MYO3B: variants seen among roughly 807,000 people sequenced by gnomAD.
MYO3B encodes the protein myosin IIIB.
In MYO3B, 156 loss-of-function variants were observed where a neutral mutation model predicts 174.6. That is an observed-to-expected ratio of 0.89 (90% CI 0.78 to 1.02). The LOEUF is 1.02. MYO3B is among the 50% of genes least tolerant of loss of function. MYO3B has a pLI of 0.00. For synonymous variants in MYO3B, 563 were observed against 569.1 expected, an observed-to-expected ratio of 0.99 and a Z score of 0.15; for missense variants, 1,632 against 1,639.4, an observed-to-expected ratio of 1.00 and a Z score of 0.08.
intron 32 of MYO3B, among the ~76,000 whole-genome samples, chr2:170,630,189 G>A (rs1374117352): frequency 2.0e-5 from 3 of 152,190 alleles, no homozygotes; most frequent in Admixed American, 6.5e-5. Context: ...CAGGAAAATC[G>A]GGACACTCCA....
intron 1 of MYO3B, among the ~76,000 whole-genome samples, chr2:170,180,861 T>C (rs2092390365): frequency 1.3e-5 from 2 of 152,206 alleles, no homozygotes; most frequent in Admixed American, 6.5e-5. Context: ...AATTGTCCTC[T>C]CTATACACTA....
chr2:170,266,602 C>T (rs1464537212), intron 7 of MYO3B, among the ~76,000 whole-genome samples: 1 of 152,194 alleles, frequency 6.6e-6, no homozygotes, highest in Non-Finnish European at 1.5e-5. Flanking sequence ...TACAAGGACT[C>T]TGACACAAAT....
intron 7 of MYO3B, among the ~76,000 whole-genome samples, chr2:170,255,418 A>G (rs2093296281): frequency 6.6e-6 from 1 of 152,146 alleles, no homozygotes; most frequent in Non-Finnish European, 1.5e-5. Flanking sequence ...CATAACTAAG[A>G]GCCTATCTGC....
chr2:170,480,127 A>G lies in MYO3B; in HGVS notation c.3014+13416A>G, dbSNP rs369872540. 1.3e-3 allele frequency among the ~76,000 whole-genome samples: 199 copies of G among 152,082 alleles called. 5 individuals are homozygous for G. In the South Asian group the frequency reaches 0.04, roughly 30 times the overall value. On this transcript the variant is annotated intron_variant, in intron 25 of 34. Coordinates refer to ENST00000408978, the MANE Select transcript of MYO3B (RefSeq NM_138995.5). ...AGGTTTTCAGCATGGTTCCTGGCTC[A>G]TAACTCCCATAACCCTTATTACAGT...
intron 25 of MYO3B, among the ~76,000 whole-genome samples, chr2:170,493,481 T>G (rs545910011): frequency 5.9e-5 from 9 of 152,312 alleles, no homozygotes; most frequent in Non-Finnish European, 1.0e-4. Flanking sequence ...ATAAGTCATC[T>G]TATATCATTA....
chr2:170,333,753 T>C (rs979168660), intron 7 of MYO3B, among the ~76,000 whole-genome samples: 1 of 152,226 alleles, frequency 6.6e-6, no homozygotes, highest in African/African-American at 2.4e-5. Context: ...TTATCTTCTA[T>C]AAAGTCTTTT....
chr2:170,515,043 G>C, intron 29 of MYO3B, 21 bp downstream of exon 29: 2 of 1,604,376 alleles, frequency 1.2e-6, no homozygotes, highest in Non-Finnish European at 1.7e-6. Flanking sequence ...TCGAGATTTA[G>C]AATGAGTGTT....
chr2:170,214,873 C>A, intron 5 of MYO3B, 45 bp downstream of exon 5: 2 of 1,400,870 alleles, frequency 1.4e-6, no homozygotes, highest in Non-Finnish European at 2.0e-6. Flanking sequence ...TGCAGTTTAG[C>A]CAAAGGGGAC....
chr2:170,610,484 G>A (rs1485776582), intron 32 of MYO3B, among the ~76,000 whole-genome samples: 1 of 152,178 alleles, frequency 6.6e-6, no homozygotes, highest in Non-Finnish European at 1.5e-5. Context: ...CCCTCTATCA[G>A]GCAGTCAAGT....
At chr2:170,478,975 A>T (rs1009923361) in intron 25 of MYO3B, among the ~76,000 whole-genome samples, 2 of 150,964 alleles carry the variant, frequency 1.3e-5, no homozygotes, top group Middle Eastern at 3.5e-3. Flanking sequence ...TATATATTTT[A>T]AAAACCTATA....
intron 9 of MYO3B, among the ~76,000 whole-genome samples, chr2:170,377,579 G>A (rs576415365): frequency 8.5e-5 from 13 of 152,148 alleles, no homozygotes; most frequent in South Asian, 4.2e-4. Flanking sequence ...CCTAAGGCCC[G>A]TCCTGCTCTC....
intron 9 of MYO3B, among the ~76,000 whole-genome samples, chr2:170,374,756 CAT>C (rs1313069629): frequency 4.8e-5 from 5 of 103,358 alleles, no homozygotes; most frequent in African/African-American, 1.2e-4. Flanking sequence ...TATATGCATA[CAT>C]ACACACACAC....
chr2:170,504,453 C>T (rs1356946168), intron 28 of MYO3B, among the ~76,000 whole-genome samples: 1 of 152,204 alleles, frequency 6.6e-6, no homozygotes, highest in Non-Finnish European at 1.5e-5. Context: ...TAAAAGCAGC[C>T]GTGCGGCTTA....
chr2:170,496,944 T>G (rs13407140), intron 25 of MYO3B, among the ~76,000 whole-genome samples: 2,580 of 152,188 alleles, frequency 0.017, 70 homozygotes, highest in African/African-American at 0.059. Context: ...CAAGTTATAT[T>G]TTTAAAAACA....
chr2:170,441,010 C>T (rs1396882463), intron 22 of MYO3B, among the ~76,000 whole-genome samples: 1 of 151,976 alleles, frequency 6.6e-6, no homozygotes, highest in Admixed American at 6.6e-5. Context: ...CCATGTTGGC[C>T]TGGCTGGTCT....
chr2:170,580,380 G>A (rs1358661399), intron 32 of MYO3B, among the ~76,000 whole-genome samples: 1 of 152,222 alleles, frequency 6.6e-6, no homozygotes, highest in Non-Finnish European at 1.5e-5. Context: ...GCTCATGCCT[G>A]TAATCCCAAC....
intron 25 of MYO3B, among the ~76,000 whole-genome samples, chr2:170,468,604 G>A (rs1057384391): frequency 6.6e-6 from 1 of 152,168 alleles, no homozygotes; most frequent in Admixed American, 6.5e-5. Flanking sequence ...TACTCATGGA[G>A]CCTTTGAGGA....
Position 170,236,005 on chromosome 2 carries a change from G to A in MYO3B, c.618G>A (p.Glu206=), listed in dbSNP as rs766336162. 13 of 1,614,094 alleles carry A rather than the reference G, an allele frequency of 8.1e-6. No individual in the cohort carries two copies. Among genetic ancestry groups the A allele is most frequent in the East Asian group, 2.2e-5 (1 of 44,878 alleles). The stretch of plus-strand genomic sequence containing the variant: ...TTGTCCAATAGGTCATTGCCTGTGA[G>A]CAGCAGTATGACTCTTCCTATGACG... The part of the protein sequence containing the change: ...FWMAPEVIAC[E]QQYDSSYDAR... Residue 206 remains glutamate (E), a synonymous_variant, in exon 7 of 35, where the codon GAG becomes GAA. Transcript: ENST00000408978.
At chr2:170,262,439 A>G (rs1220866761) in intron 7 of MYO3B, among the ~76,000 whole-genome samples, 1 of 152,222 alleles carries the variant, frequency 6.6e-6, no homozygotes, top group East Asian at 1.9e-4. Context: ...CTTGTGTTTT[A>G]GAAAGATCCT....
Sources: gnomAD v4.1 joint callset for allele counts (sites outside exome capture counted in the v4.1 genomes callset) on GRCh38, gnomAD v4.1.1 for gene constraint, MANE v1.5 for transcripts, NCBI Gene and HGNC (gene_info 2026-07-23, HGNC 2026-07-21) for gene names.